Variants in MYPN observed in about 807,000 individuals in gnomAD.
The protein encoded by MYPN is sarcomeric protein myopalladin, 145 kDa (MYOP).
A neutral mutation model predicts 129.4 loss-of-function variants in MYPN; 63 were observed. The observed-to-expected ratio is 0.49, with a 90% CI of 0.40 to 0.60. The LOEUF is 0.60. MYPN is among the 20% of genes least tolerant of loss of function. The probability of loss-of-function intolerance (pLI) is 0.00; values close to 1 mark genes in which losing one functional copy is unlikely to be tolerated. For synonymous variants in MYPN, 629 were observed against 600.9 expected (o/e 1.05, Z -0.68); for missense variants, 1,596 against 1,635.4 (o/e 0.98, Z 0.42).
intron 2 of MYPN, among the ~76,000 whole-genome samples, chr10:68,140,203 T>C (rs960152005): frequency 6.6e-6 from 1 of 152,086 alleles, no homozygotes; most frequent in African/African-American, 2.4e-5. Context: ...CCAACGTGGT[T>C]GGAACATATT....
intron 2 of MYPN, among the ~76,000 whole-genome samples, chr10:68,132,290 A>T (rs1315318680): frequency 6.6e-6 from 1 of 152,136 alleles, no homozygotes; most frequent in Non-Finnish European, 1.5e-5. Context: ...ATGGTAAAGA[A>T]TATTGATTTT....
At chr10:68,148,300 T>G in intron 4 of MYPN, 53 bp from the exon 5 acceptor site, 1 of 1,398,052 alleles carries the variant, frequency 7.2e-7, no homozygotes, top group Middle Eastern at 2.0e-4. Flanking sequence ...TAAAATAATT[T>G]TCACAAAGAG....
In MYPN at chr10:68,166,337, C is replaced by T. The variant is rs183523848; in HGVS notation, c.1644C>T (p.Asn548=). Residue 548 remains asparagine, a synonymous_variant, in exon 10 of 20, where the codon AAC becomes AAT. Transcript: ENST00000358913. ...ACAACGGGTCTCTTCACTCAGCCAA[C>T]TCTACCACCAACCTGGCAGCTATTG... ...LSNNGSLHSA[N]STTNLAAIEP... The T allele has an allele frequency of 1.9e-6, 3 of 1,614,122 alleles. No homozygotes were observed. The highest frequency in any genetic ancestry group is 2.2e-5 in the East Asian group (1 of 44,866).
At chr10:68,107,646 C>T (rs1486689831), upstream of MYPN, among the ~76,000 whole-genome samples, 2 of 152,036 alleles carry the variant, frequency 1.3e-5, no homozygotes, top group Admixed American at 6.6e-5. Flanking sequence ...CCCCCGCGCC[C>T]GGCCGGCTTC....
chr10:68,141,352 A>G (rs1362522449), intron 2 of MYPN, among the ~76,000 whole-genome samples: 1 of 150,752 alleles, frequency 6.6e-6, no homozygotes, highest in African/African-American at 2.4e-5. Context: ...CTGGTGACAG[A>G]GCAAGACTCG....
chr10:68,148,861 A>G (rs1204687021), intron 5 of MYPN, among the ~76,000 whole-genome samples: 2 of 152,186 alleles, frequency 1.3e-5, no homozygotes, highest in African/African-American at 4.8e-5. Context: ...GTTATTTTTT[A>G]GAAAACAGCA....
intron 1 of MYPN, among the ~76,000 whole-genome samples, chr10:68,120,910 T>C (rs1490788986): frequency 6.6e-6 from 1 of 152,228 alleles, no homozygotes; most frequent in Non-Finnish European, 1.5e-5. Flanking sequence ...TCCAGGTCTT[T>C]ATTTTCAATT....
chr10:68,089,030 CGTTT>C (rs542406808), intron 1 of MYPN, among the ~76,000 whole-genome samples: 20 of 152,040 alleles, frequency 1.3e-4, no homozygotes, highest in Non-Finnish European at 2.4e-4. Flanking sequence ...TTTGTGAGTT[CGTTT>C]GTTTGTTTAA....
chr10:68,174,586 T>A lies in MYPN; in HGVS notation c.2494T>A (p.Ser832Thr), dbSNP rs1156825200. The A allele has an allele frequency of 6.2e-7, 1 of 1,614,170 alleles. No homozygotes were observed. The highest frequency in any genetic ancestry group is 1.7e-5 in the Admixed American group (1 of 60,008). ...RIQNPVAFLS[S>T]VLPSLPAIPP... ...TCAGAACCCAGTGGCTTTCCTCAGCTCTGTTCTGCCTTCTCTCCCTGCCAT... is the reference window on the plus strand; with the variant it reads ...TCAGAACCCAGTGGCTTTCCTCAGCACTGTTCTGCCTTCTCTCCCTGCCAT... Residue 832 changes from serine to threonine, a missense_variant, in exon 11 of 20, where the codon TCT becomes ACT. Ser to Thr is a moderately conservative substitution (Grantham distance 58). Transcript: ENST00000358913.
chr10:68,199,667 G>GCCCTACTAACTCCAATCTCAATTTC (rs2043677269), intron 17 of MYPN, 92 bp downstream of exon 17: 5 of 1,296,550 alleles, frequency 3.9e-6, no homozygotes, highest in Non-Finnish European at 5.5e-6. Context: ...TTCATCCTTT[G>GCCCTACTAACTCCAATCTCAATTTC]CCCTACTAAC....
chr10:68,104,913 A>G (rs771469293), upstream of MYPN, among the ~76,000 whole-genome samples: 10 of 151,922 alleles, frequency 6.6e-5, no homozygotes, highest in Non-Finnish European at 1.2e-4. Flanking sequence ...CCTCCCAAGT[A>G]GCTGGGATTA....
chr10:68,127,409 A>G (rs930481671), intron 2 of MYPN, among the ~76,000 whole-genome samples: 1 of 133,012 alleles, frequency 7.5e-6, no homozygotes, highest in Non-Finnish European at 1.5e-5. Context: ...ATCTTGGCTC[A>G]CTGCAACCTC....
intron 1 of MYPN, among the ~76,000 whole-genome samples, chr10:68,088,853 A>G (rs1311443097): frequency 2.0e-5 from 3 of 152,184 alleles, no homozygotes; most frequent in East Asian, 1.9e-4. Flanking sequence ...GCCACAAACA[A>G]TTTTAGAACA....
At chr10:68,118,710 T>C (rs986403592) in intron 1 of MYPN, among the ~76,000 whole-genome samples, 7 of 152,020 alleles carry the variant, frequency 4.6e-5, no homozygotes, top group Non-Finnish European at 1.0e-4. Context: ...GGTGCGTGGC[T>C]GTAGTCCCAG....
At chr10:68,088,500 A>T (rs1167924941) in intron 1 of MYPN, among the ~76,000 whole-genome samples, 1 of 152,228 alleles carries the variant, frequency 6.6e-6, no homozygotes, top group Non-Finnish European at 1.5e-5. Context: ...TGGATCAGTG[A>T]TAGATTTTTA....
Position 68,201,887 on chromosome 10 carries a change from C to T in MYPN, c.3552C>T (p.Pro1184=), listed in dbSNP as rs749396604. The T allele has an allele frequency of 5.0e-6, 8 of 1,614,008 alleles. No individual in the cohort carries two copies. Among genetic ancestry groups the T allele is most frequent in the Middle Eastern group, 1.6e-4 (1 of 6,084 alleles). ...ILEKLQNCGV[P]EGHPVRLECR... The stretch of plus-strand genomic sequence containing the variant: ...AGAAACTACAGAACTGCGGTGTTCC[C>T]GAAGGCCACCCCGTGAGACTGGAGT... The change falls in exon 18 of 20, where the codon CCC becomes CCT. Residue 1184 remains proline (P), a synonymous_variant. Coordinates refer to ENST00000358913, the MANE Select transcript of MYPN (RefSeq NM_032578.4).
intron 2 of MYPN, among the ~76,000 whole-genome samples, chr10:68,141,805 A>T (rs2042583225): frequency 6.6e-6 from 1 of 152,010 alleles, no homozygotes; most frequent in South Asian, 2.1e-4. Context: ...AAACCCGTAA[A>T]CCCCATTTCT....
intron 8 of MYPN, among the ~76,000 whole-genome samples, chr10:68,163,931 T>G (rs1371699964): frequency 6.6e-6 from 1 of 152,154 alleles, no homozygotes; most frequent in African/African-American, 2.4e-5. Flanking sequence ...AACTACCACT[T>G]AACAAGAATA....
chr10:68,146,401 G>A (rs1005219643), intron 4 of MYPN, among the ~76,000 whole-genome samples: 4 of 152,196 alleles, frequency 2.6e-5, no homozygotes, highest in Admixed American at 6.5e-5. Context: ...TATTGCACAC[G>A]CATCACTGCT....
Sources: allele counts gnomAD v4.1 joint callset (sites outside exome capture counted in the v4.1 genomes callset), GRCh38; gene constraint gnomAD v4.1.1; transcripts MANE v1.5; gene names NCBI Gene and HGNC (gene_info 2026-07-23, HGNC 2026-07-21).